Variants in ZNF273 observed in about 807,000 individuals in gnomAD.
ZNF273 encodes the protein zinc finger protein 273.
A neutral mutation model predicts 14.9 loss-of-function variants in ZNF273; 11 were observed. That is an observed-to-expected ratio of 0.74 (90% CI 0.46 to 1.22). The LOEUF (loss-of-function observed/expected upper bound fraction) is 1.22. Among genes scored for constraint, ZNF273 ranks in the 50% most tolerant of loss-of-function variants. The probability of loss-of-function intolerance (pLI) is 0.00; values close to 1 mark genes in which losing one functional copy is unlikely to be tolerated. For synonymous variants in ZNF273, 199 were observed against 223.9 expected, an observed-to-expected ratio of 0.89 and a Z score of 0.99; for missense variants, 577 against 660.6, an observed-to-expected ratio of 0.87 and a Z score of 1.39.
At chr7:64,884,001 A>G (rs982784364), downstream of ZNF273, among the ~76,000 whole-genome samples, 1 of 152,184 alleles carries the variant, frequency 6.6e-6, no homozygotes, top group Admixed American at 6.5e-5. Context: ...TCCCACTTCT[A>G]TAGGATTGCA....
chr7:64,877,806 G>C (rs1791154989), exon 1 of ZNF273: 1 of 152,332 alleles, frequency 6.6e-6, no homozygotes, highest in Non-Finnish European at 1.5e-5. Flanking sequence ...GGATCCGCAG[G>C]ATGCTTCAGG....
At chr7:64,912,750 T>G (rs114313637) in intron 1 of ZNF273, among the ~76,000 whole-genome samples, 20 of 151,886 alleles carry the variant, frequency 1.3e-4, no homozygotes, top group African/African-American at 4.8e-4. Flanking sequence ...ATTTTTCTGC[T>G]TTTTTGAATA....
Position 64,887,106 on chromosome 7 carries a change from C to G in ZNF273, n.274-1467C>G, listed in dbSNP as rs1054934963. Reference sequence around the variant, plus strand: ...CCTATGGAGACTACTTTTCCATGGTCGGTACTTGGTTTGGACTGAGGTCTC... The same window carrying G: ...CCTATGGAGACTACTTTTCCATGGTGGGTACTTGGTTTGGACTGAGGTCTC... On this transcript the variant is annotated intron_variant and non_coding_transcript_variant, in intron 1 of 1. Coordinates refer to the ZNF273 transcript ENST00000471926. 2.6e-5 allele frequency among the ~76,000 whole-genome samples: 4 copies of G among 152,136 alleles called. No homozygotes were observed. The East Asian group carries it at 7.7e-4, about 29-fold the overall frequency.
upstream of ZNF273, among the ~76,000 whole-genome samples, chr7:64,899,642 A>C (rs181837841): frequency 6.6e-6 from 1 of 151,870 alleles, no homozygotes; most frequent in Non-Finnish European, 1.5e-5. Flanking sequence ...AGATAAAATG[A>C]GACTCCATCT....
chr7:64,895,001 G>A (rs1792280630), intron 3 of ZNF273, among the ~76,000 whole-genome samples: 1 of 151,900 alleles, frequency 6.6e-6, no homozygotes. Context: ...GCTGGGCATG[G>A]CAGCGTGTAC....
intron 1 of ZNF273, among the ~76,000 whole-genome samples, chr7:64,913,575 T>C (rs1279910446): frequency 3.9e-5 from 6 of 152,236 alleles, no homozygotes; most frequent in Admixed American, 3.9e-4. Flanking sequence ...CTGTAAACTT[T>C]AAAGAGACAG....
downstream of ZNF273, among the ~76,000 whole-genome samples, chr7:64,884,207 T>C (rs924368221): frequency 5.9e-5 from 9 of 152,178 alleles, no homozygotes; most frequent in African/African-American, 2.2e-4. Flanking sequence ...GGTTTTTCAG[T>C]AGTTTGGCTG....
intron 3 of ZNF273, among the ~76,000 whole-genome samples, chr7:64,925,030 T>G (rs539403232): frequency 1.2e-4 from 18 of 152,236 alleles, no homozygotes; most frequent in African/African-American, 4.3e-4. Context: ...CTCAAACTCC[T>G]GACCTAAGGT....
rs780589662 is a variant in ZNF273, at chr7:64,928,487, T to G, written c.1159T>G (p.Ser387Ala). 25 of 1,613,508 alleles carry G rather than the reference T, an allele frequency of 1.5e-5. No individual in the cohort carries two copies. The highest frequency in any genetic ancestry group is 2.1e-5 in the Non-Finnish European group (25 of 1,179,888). The part of the protein sequence containing the change: ...EECGKAFNQS[S>A]TLTRHKIVHT... ...ATGTGGCAAAGCTTTTAACCAGTCCTCAACCCTTACTAGACATAAGATAGT... is the reference window on the plus strand; with the variant it reads ...ATGTGGCAAAGCTTTTAACCAGTCCGCAACCCTTACTAGACATAAGATAGT... The change falls in exon 4 of 4, where the codon TCA becomes GCA. Residue 387 changes from serine (S) to alanine (A), a missense_variant. Coordinates refer to ENST00000476120, the MANE Select transcript of ZNF273 (RefSeq NM_021148.3).
In ZNF273 at chr7:64,922,679, G is replaced by A. The variant is rs922234002; in HGVS notation, c.325+4387G>A. 2.6e-5 allele frequency among the ~76,000 whole-genome samples: 4 copies of A among 151,108 alleles called. No individual in the cohort carries two copies. In the South Asian group the frequency reaches 8.5e-4, roughly 32 times the overall value. On this transcript the variant is annotated intron_variant, in intron 3 of 3. Transcript: ENST00000476120. ...ACCCAGGCTGGTCTCAAACTCCTGG[G>A]ATCAGGTTATTAGTCCATGTCACAC...
chr7:64,900,444 A>G (rs546492506), upstream of ZNF273, among the ~76,000 whole-genome samples: 1 of 152,322 alleles, frequency 6.6e-6, no homozygotes, highest in Non-Finnish European at 1.5e-5. Context: ...CGAGGGTAAA[A>G]GAGTCCCTGG....
chr7:64,932,625 G>T (rs1057192295), downstream of ZNF273, among the ~76,000 whole-genome samples: 1 of 152,020 alleles, frequency 6.6e-6, no homozygotes, highest in Non-Finnish European at 1.5e-5. Flanking sequence ...TTTTAAGAGA[G>T]CTAATGGTAA....
At position 64,928,588 on chromosome 7, in the gene ZNF273, TAA is replaced by T; in HGVS notation, c.1261_1262del (p.Lys421GlufsTer5). The T allele has an allele frequency of 1.2e-6, 2 of 1,613,606 alleles. No homozygotes were observed. Among genetic ancestry groups the T allele is most frequent in the Non-Finnish European group, 1.7e-6 (2 of 1,179,826 alleles). ...AACGGTCCACAACTCTTACTAAACA[TAA>T]GAGAATTTATACTAAAGAGAAACCA... is the stretch of plus-strand genomic sequence containing the variant. ...FKRSTTLTKHKRIYTKEKPYK... is the reference protein window; with the variant it reads ...FKRSTTLTKHXRIYTKEKPYK... On this transcript the variant is annotated frameshift_variant, in exon 4 of 4. Transcript: ENST00000476120. LOFTEE classifies it low-confidence loss of function (END_TRUNC).
At chr7:64,889,125 C>T (rs929386280), downstream of ZNF273, 5 of 985,834 alleles carry the variant, frequency 5.1e-6, no homozygotes, top group Non-Finnish European at 6.0e-6. This position sits in a 1 kb window ranked among gnomAD's most constrained non-coding sequence, Gnocchi z 4.2. Context: ...AGCAGGGATC[C>T]GGGCCTCGTT....
intron 3 of ZNF273, among the ~76,000 whole-genome samples, chr7:64,896,907 TTAAC>T (rs778329410): frequency 6.6e-5 from 10 of 152,238 alleles, no homozygotes; most frequent in Non-Finnish European, 1.5e-4. Flanking sequence ...TAAGTGTTAA[TTAAC>T]AGGTGAATAA....
intron 1 of ZNF273, among the ~76,000 whole-genome samples, chr7:64,912,826 G>GTTTTTTTTTTTTTTGTTTTTTTTTTTT (rs1793640282): frequency 2.7e-5 from 1 of 36,568 alleles, no homozygotes; most frequent in Non-Finnish European, 5.7e-5. Context: ...ATTCATTTTA[G>GTTTTTTTTTTTTTTGTTTTTTTTTTTT]TTTTTTTTTT....
intron 1 of ZNF273, among the ~76,000 whole-genome samples, chr7:64,905,109 CTTTTTTTT>C (rs61024093): frequency 4.0e-5 from 3 of 75,374 alleles, no homozygotes; most frequent in Admixed American, 1.6e-4. Flanking sequence ...TCCTGGTGCA[CTTTTTTTT>C]TTTTTTTTTT....
intron 1 of ZNF273, among the ~76,000 whole-genome samples, chr7:64,909,231 T>A (rs950553781): frequency 6.7e-6 from 1 of 149,472 alleles, no homozygotes; most frequent in African/African-American, 2.5e-5. Context: ...GTTTTCTTCT[T>A]TTTTTTTTTT....
chr7:64,917,738 G>A, intron 2 of ZNF273, 31 bp downstream of exon 2: 1 of 1,540,050 alleles, frequency 6.5e-7, no homozygotes, highest in South Asian at 1.2e-5. Flanking sequence ...TAATTTAAAG[G>A]TTTCACTTCT....
Sources: allele counts gnomAD v4.1 joint callset (sites outside exome capture counted in the v4.1 genomes callset), GRCh38; gene constraint gnomAD v4.1.1; non-coding constraint Gnocchi (gnomAD v3.1); transcripts MANE v1.5; gene names NCBI Gene and HGNC (gene_info 2026-07-23, HGNC 2026-07-21).